DNAH9: variants seen among roughly 807,000 people sequenced by gnomAD.
DNAH9 encodes the protein dynein axonemal heavy chain 9.
A neutral mutation model predicts 471.6 loss-of-function variants in DNAH9; 345 were observed. The ratio of observed to expected loss-of-function variants is 0.73; its 90% CI spans 0.67 to 0.80. DNAH9 has a LOEUF of 0.80. Ranked by LOEUF, DNAH9 falls within the 30% of genes least tolerant of loss-of-function variation. DNAH9 has a pLI of 0.00. For missense variants in DNAH9, 5,407 were observed against 5,609.2 expected, an observed-to-expected ratio of 0.96 and a Z score of 1.15; for synonymous variants, 2,093 against 2,123.6, an observed-to-expected ratio of 0.99 and a Z score of 0.40.
In DNAH9 at chr17:11,679,961, A is replaced by T; in HGVS notation, c.3558A>T (p.Thr1186=). The T allele has an allele frequency of 1.9e-6, 3 of 1,613,902 alleles. No homozygotes were observed. The highest frequency in any genetic ancestry group is 2.5e-6 in the Non-Finnish European group (3 of 1,179,812). ...CCTATGAACAAGAATTGCCAGAAAC[A>T]GTGTTTAAGCAGCTGGAGGTCAGTG... The part of the protein sequence containing the change: ...LKTYEQELPE[T]VFKQLEELPE... Residue 1186 remains threonine (T), a synonymous_variant, in exon 18 of 69, where the codon ACA becomes ACT. Coordinates refer to ENST00000262442, the MANE Select transcript of DNAH9 (RefSeq NM_001372.4).
chr17:11,727,062 A>C (rs923118970), intron 27 of DNAH9, among the ~76,000 whole-genome samples: 74 of 150,758 alleles, frequency 4.9e-4, no homozygotes, highest in Non-Finnish European at 7.7e-4. Context: ...AAAAAAAAAA[A>C]AAAAAAAAAA....
intron 67 of DNAH9, among the ~76,000 whole-genome samples, chr17:11,960,886 G>C (rs1192152732): frequency 6.6e-6 from 1 of 152,196 alleles, no homozygotes; most frequent in Non-Finnish European, 1.5e-5. Context: ...CATTTTAGCA[G>C]TCTGCCCTTG....
rs558856350 is a variant in DNAH9 at position 11,668,906 on chromosome 17, A to G, written c.2732-158A>G. Reference sequence around the variant, plus strand: ...AGCACTGCAAGACTATCACCCTCACATTGTATGGGATGTAAACAAAATTTT... The same window carrying G: ...AGCACTGCAAGACTATCACCCTCACGTTGTATGGGATGTAAACAAAATTTT... On this transcript the variant is annotated intron_variant, in intron 15 of 68. Transcript: ENST00000262442. Among the ~76,000 whole-genome samples, 40 of 152,248 alleles carry G rather than the reference A, an allele frequency of 2.6e-4. 1 individual carries two copies. Among genetic ancestry groups the G allele is most frequent in the African/African-American group, 2.4e-5 (1 of 41,546 alleles).
chr17:11,833,177 G>A (rs1970731543), intron 48 of DNAH9, among the ~76,000 whole-genome samples: 2 of 152,200 alleles, frequency 1.3e-5, no homozygotes, highest in Admixed American at 1.3e-4. Context: ...CTCAGGTGCT[G>A]ATATTCCCAT....
At chr17:11,609,400 T>C (rs2072579999) in intron 2 of DNAH9, among the ~76,000 whole-genome samples, 1 of 152,252 alleles carries the variant, frequency 6.6e-6, no homozygotes, top group African/African-American at 2.4e-5. Context: ...ATATTTTAAC[T>C]TTGTAACATT....
intron 66 of DNAH9, among the ~76,000 whole-genome samples, chr17:11,939,479 C>A (rs968596455): frequency 1.3e-5 from 2 of 152,164 alleles, no homozygotes; most frequent in South Asian, 4.1e-4. Context: ...GTGTGGGACA[C>A]GTGTGCAGGT....
chr17:11,655,351 GGTGTGTGT>G (rs144975414), intron 14 of DNAH9, among the ~76,000 whole-genome samples: 2,649 of 147,782 alleles, frequency 0.018, 44 homozygotes, highest in African/African-American at 0.041. Flanking sequence ...AGCATTCCAT[GGTGTGTGT>G]GTGTGTGTGT....
chr17:11,719,195 G>A (rs2075013249), intron 26 of DNAH9, 139 bp from the exon 27 acceptor site: 9 of 767,542 alleles, frequency 1.2e-5, no homozygotes, highest in Admixed American at 2.7e-5. Context: ...TCCCCACAGT[G>A]CTGTGGGGAG....
Position 11,946,144 on chromosome 17 carries a change from G to A in DNAH9, c.12843+3659G>A, listed in dbSNP as rs181831429. On this transcript the variant is annotated intron_variant, in intron 67 of 68. Coordinates refer to ENST00000262442, the MANE Select transcript of DNAH9 (RefSeq NM_001372.4). ...GAACCCGGGAGGTGGAGGTTGCAGC[G>A]AGCTGAGATCATGCCACTGCACTCC... is the stretch of plus-strand genomic sequence containing the variant. 9.9e-4 allele frequency among the ~76,000 whole-genome samples: 143 copies of A among 144,172 alleles called. 1 individual carries two copies. The highest frequency in any genetic ancestry group is 3.2e-3 in the African/African-American group (124 of 38,398). 94.6% of individuals were successfully genotyped at this position (144,172 alleles called of 152,430 possible).
intron 49 of DNAH9, among the ~76,000 whole-genome samples, chr17:11,850,314 G>C (rs1971371052): frequency 6.6e-6 from 1 of 152,186 alleles, no homozygotes; most frequent in Non-Finnish European, 1.5e-5. Context: ...GTGGAGTGGA[G>C]CCCAGAGCGC....
At chr17:11,611,314 G>A (rs1206956571) in intron 3 of DNAH9, among the ~76,000 whole-genome samples, 1 of 152,174 alleles carries the variant, frequency 6.6e-6, no homozygotes, top group Non-Finnish European at 1.5e-5. Flanking sequence ...CCTACTGCAA[G>A]GCCCTTCTCT....
At chr17:11,671,551 C>T (rs942000983) in intron 17 of DNAH9, among the ~76,000 whole-genome samples, 9 of 152,116 alleles carry the variant, frequency 5.9e-5, no homozygotes, top group African/African-American at 2.2e-4. Context: ...TTGTCTGGGA[C>T]CTGGCCTTGG....
Position 11,834,742 on chromosome 17 carries a change from A to C in DNAH9, c.9351A>C (p.Lys3117Asn). Reference protein sequence around the residue: ...LIQVVGVETDKVSREKAMADE... With the variant: ...LIQVVGVETDNVSREKAMADE... ...AGGTCGTGGGTGTGGAGACTGACAAAGTGAGCAGAGAGAAAGCCATGGCAG... is the reference window on the plus strand; with the variant it reads ...AGGTCGTGGGTGTGGAGACTGACAACGTGAGCAGAGAGAAAGCCATGGCAG... Residue 3117 changes from lysine (K) to asparagine (N), a missense_variant, in exon 49 of 69, where the codon AAA becomes AAC. Coordinates refer to ENST00000262442, the MANE Select transcript of DNAH9 (RefSeq NM_001372.4). 1 of 1,614,122 alleles carries C rather than the reference A, an allele frequency of 6.2e-7. No individual in the cohort carries two copies. The highest frequency in any genetic ancestry group is 8.5e-7 in the Non-Finnish European group (1 of 1,180,012).
chr17:11,703,229 T>A (rs1414904082), intron 24 of DNAH9, among the ~76,000 whole-genome samples: 2 of 152,106 alleles, frequency 1.3e-5, no homozygotes, highest in Non-Finnish European at 2.9e-5. Flanking sequence ...AATAGTAGGA[T>A]TGGAACATCC....
chr17:11,902,639 C>T, intron 59 of DNAH9, 80 bp from the exon 60 acceptor site: 1 of 1,267,378 alleles, frequency 7.9e-7, no homozygotes, highest in Non-Finnish European at 1.1e-6. Flanking sequence ...ATAAGACCAT[C>T]TGGCCCCTCA....
intron 36 of DNAH9, 108 bp from the exon 37 acceptor site, chr17:11,768,345 G>A (rs992449586): frequency 1.7e-6 from 2 of 1,146,704 alleles, no homozygotes; most frequent in Admixed American, 2.1e-5. Flanking sequence ...GCCCACACAG[G>A]GAGGAGCACG....
intron 19 of DNAH9, among the ~76,000 whole-genome samples, chr17:11,682,740 A>AC (rs1367698158): frequency 6.6e-6 from 1 of 152,150 alleles, no homozygotes. Context: ...TGGAGGCGAG[A>AC]CCTGTGAATC....
intron 17 of DNAH9, among the ~76,000 whole-genome samples, chr17:11,677,247 T>A (rs536049780): frequency 6.6e-6 from 1 of 152,268 alleles, no homozygotes; most frequent in East Asian, 1.9e-4. Flanking sequence ...GTATTAAAAA[T>A]CTTCCATTTT....
At chr17:11,624,004 C>T (rs539750863) in intron 6 of DNAH9, among the ~76,000 whole-genome samples, 99 of 152,284 alleles carry the variant, frequency 6.5e-4, no homozygotes, top group South Asian at 2.3e-3. Flanking sequence ...AAGGGGTATA[C>T]ATTGCCCAGT....
Sources: gnomAD v4.1 joint callset for allele counts (sites outside exome capture counted in the v4.1 genomes callset) on GRCh38, gnomAD v4.1.1 for gene constraint, MANE v1.5 for transcripts, NCBI Gene and HGNC (gene_info 2026-07-23, HGNC 2026-07-21) for gene names.